The following AMMECR1L variants were observed in gnomAD, a reference collection of about 807,000 sequenced individuals.
AMMECR1L encodes the protein AMMECR1-like protein.
AMMECR1L carries 4 observed loss-of-function variants against 36.8 expected under a neutral mutation model. The ratio of observed to expected loss-of-function variants is 0.11; its 90% CI spans 0.05 to 0.25. The LOEUF (loss-of-function observed/expected upper bound fraction) is 0.25. AMMECR1L is among the 10% of genes least tolerant of loss of function. The pLI is 1.00. For synonymous variants in AMMECR1L, 147 were observed against 148.0 expected, an observed-to-expected ratio of 0.99 and a Z score of 0.05; for missense variants, 232 against 392.1, an observed-to-expected ratio of 0.59 and a Z score of 3.45.
Position 127,874,257 on chromosome 2 carries a change from G to A in AMMECR1L, c.-23C>T. The A allele has an allele frequency of 6.2e-7, 1 of 1,611,862 alleles. No homozygotes were observed. The highest frequency in any genetic ancestry group is 8.5e-7 in the Non-Finnish European group (1 of 1,179,582). On this transcript the variant is annotated 5_prime_UTR_variant, in exon 3 of 8. Transcript: ENST00000272647. This position sits in a 1 kb window ranked among gnomAD's most constrained non-coding sequence, Gnocchi z 5.2. ...CATCCTGATTCAGTGCTCAAGGTCT[G>A]GAATGCTGCAGAACCCTAACCAAAA...
chr2:127,876,910 G>A (rs1573556692), intron 2 of AMMECR1L, among the ~76,000 whole-genome samples: 1 of 151,754 alleles, frequency 6.6e-6, no homozygotes, highest in South Asian at 2.1e-4. Flanking sequence ...CTAGCTACCC[G>A]GGAGGCTGAG....
chr2:127,873,675 A>C lies in AMMECR1L; in HGVS notation c.407+153T>G. On this transcript the variant is annotated intron_variant, in intron 3 of 7. Transcript: ENST00000272647. This position sits in a 1 kb window ranked among gnomAD's most constrained non-coding sequence, Gnocchi z 5.2. The stretch of plus-strand genomic sequence containing the variant: ...CATTACTGAATCCACTGAATGTTTT[A>C]AATATTCTCTGGACATTTCTTATCA... 2.0e-6 allele frequency: 2 copies of C among 985,464 alleles called. No individual in the cohort carries two copies. The highest frequency in any genetic ancestry group is 2.4e-6 in the Non-Finnish European group (2 of 829,926). 61.0% of individuals were successfully genotyped at this position (985,464 alleles called of 1,614,324 possible).
rs1690568936 is a variant in AMMECR1L at position 127,863,841 on chromosome 2, T to C, written c.*1253A>G. 1 of 152,654 alleles carries C rather than the reference T, an allele frequency of 6.6e-6. No homozygotes were observed. Among genetic ancestry groups the C allele is most frequent in the African/African-American group, 2.4e-5 (1 of 41,474 alleles). The allele number at this position is 152,654 out of a possible 1,614,324, so 9.5% of individuals were successfully genotyped here. A position where few individuals can be genotyped will look rare whatever the true frequency, so the allele number is the denominator to read the frequency against. On this transcript the variant is annotated 3_prime_UTR_variant, in exon 8 of 8. Transcript: ENST00000272647. ...AGGCAAGGAGAGAGGAAAAAATTGC[T>C]GACAGCGATTTGGAAATCAGCAACA...
chr2:127,866,703 C>T (rs1274774320), intron 7 of AMMECR1L, among the ~76,000 whole-genome samples, 197 bp downstream of exon 7: 2 of 152,208 alleles, frequency 1.3e-5, no homozygotes, highest in African/African-American at 4.8e-5. Flanking sequence ...GTGCCCCCAG[C>T]TCAGCTATGG....
chr2:127,870,391 C>T (rs1295730944), intron 5 of AMMECR1L, among the ~76,000 whole-genome samples: 1 of 151,856 alleles, frequency 6.6e-6, no homozygotes, highest in African/African-American at 2.4e-5. Flanking sequence ...AGGAGAATCC[C>T]TTGAACTCGG....
At chr2:127,881,427 C>T (rs943429661) in intron 2 of AMMECR1L, among the ~76,000 whole-genome samples, 29 of 151,824 alleles carry the variant, frequency 1.9e-4, no homozygotes, top group African/African-American at 6.5e-4. Context: ...ACTAAGTCCA[C>T]TGAAAAAAAT....
rs11332960 is a variant in AMMECR1L, at chr2:127,876,349, C to CAA, written c.-38-2079_-38-2078dup. Among the ~76,000 whole-genome samples, 278 of 111,090 alleles carry CAA rather than the reference C, an allele frequency of 2.5e-3. 1 individual carries two copies. Among genetic ancestry groups the CAA allele is most frequent in the African/African-American group, 9.1e-3 (266 of 29,286 alleles). The allele number at this position is 111,090 out of a possible 152,430, so 72.9% of individuals were successfully genotyped here. ...TGGGCAACAGAGCAAGGCCCTGTCT[C>CAA]AAAAAAAAAAAAAAAAAAAGGTGGT... On this transcript the variant is annotated intron_variant, in intron 2 of 7. Coordinates refer to ENST00000272647, the MANE Select transcript of AMMECR1L (RefSeq NM_001199140.2).
In AMMECR1L at chr2:127,869,523, T is replaced by C; in HGVS notation, c.655A>G (p.Ile219Val). ...ACACCTTTTTCATTAATGAATTCAATTCGAATCCCATGGACCCCTACCTAT... is the reference window on the plus strand; with the variant it reads ...ACACCTTTTTCATTAATGAATTCAACTCGAATCCCATGGACCCCTACCTAT... ...DWEVGVHGIR[I>V]EFINEKGVKR... Residue 219 changes from isoleucine to valine, a missense_variant, in exon 6 of 8, where the codon ATT becomes GTT. Physicochemically the swap from Ile to Val is conservative, Grantham distance 29. This residue lies in a region of AMMECR1L where 83 missense variants were observed against 229.5 expected (regional missense o/e 0.36). Coordinates refer to ENST00000272647, the MANE Select transcript of AMMECR1L (RefSeq NM_001199140.2). This position sits in a 1 kb window ranked among gnomAD's most constrained non-coding sequence, Gnocchi z 4.7. 3 of 1,614,098 alleles carry C rather than the reference T, an allele frequency of 1.9e-6. No homozygotes were observed. The highest frequency in any genetic ancestry group is 2.5e-6 in the Non-Finnish European group (3 of 1,179,926).
At position 127,876,743 on chromosome 2, in the gene AMMECR1L, C is replaced by T. The variant is rs55805320; in HGVS notation, c.-38-2471G>A. Reference sequence around the variant, plus strand: ...GTTTAACATATGTAAAGAGGCCAGGCGCCCTGGCTCACGCCTATGAACCCA... The same window carrying T: ...GTTTAACATATGTAAAGAGGCCAGGTGCCCTGGCTCACGCCTATGAACCCA... On this transcript the variant is annotated intron_variant, in intron 2 of 7. Coordinates refer to ENST00000272647, the MANE Select transcript of AMMECR1L (RefSeq NM_001199140.2). Among the ~76,000 whole-genome samples the T allele has an allele frequency of 7.9e-3, 1,204 of 152,158 alleles. 14 individuals carry two copies. Among genetic ancestry groups the T allele is most frequent in the Middle Eastern group, 0.024 (7 of 294 alleles).
intron 2 of AMMECR1L, among the ~76,000 whole-genome samples, chr2:127,883,008 T>C (rs1175607825): frequency 6.6e-6 from 1 of 151,920 alleles, no homozygotes; most frequent in African/African-American, 2.4e-5. Context: ...GCTTCTCAAG[T>C]TGCTGGGGCT....
At chr2:127,883,099 TTTTC>T (rs1691587646) in intron 2 of AMMECR1L, among the ~76,000 whole-genome samples, 2 of 110,046 alleles carry the variant, frequency 1.8e-5, no homozygotes, top group Admixed American at 8.2e-5. Flanking sequence ...TGCAAATTTC[TTTTC>T]TTTTTTTTTT....
At chr2:127,882,736 G>A (rs1041980160) in intron 2 of AMMECR1L, among the ~76,000 whole-genome samples, 5 of 151,158 alleles carry the variant, frequency 3.3e-5, no homozygotes, top group South Asian at 2.1e-4. Context: ...TGGGACCACC[G>A]CCATGCACCA....
At chr2:127,872,492 C>G (rs1691026298) in intron 3 of AMMECR1L, among the ~76,000 whole-genome samples, 1 of 152,188 alleles carries the variant, frequency 6.6e-6, no homozygotes, top group African/African-American at 2.4e-5. Flanking sequence ...CCTCCACACT[C>G]TAATGTCCTT....
intron 2 of AMMECR1L, among the ~76,000 whole-genome samples, chr2:127,880,955 A>ATT (rs1441658845): frequency 6.6e-6 from 1 of 152,214 alleles, no homozygotes; most frequent in Non-Finnish European, 1.5e-5. Context: ...GGATAGTTTA[A>ATT]TAATTATTCA....
Position 127,865,116 on chromosome 2 carries a change from G to A in AMMECR1L, c.911C>T (p.Pro304Leu). 1 of 1,613,768 alleles carries A rather than the reference G, an allele frequency of 6.2e-7. No homozygotes were observed. Among genetic ancestry groups the A allele is most frequent in the South Asian group, 1.1e-5 (1 of 90,988 alleles). ...GTGTCAGGAGTAATGATTGTAGAGG[G>A]GCGGGGCATGAAGAGTGCCGTTCTG... The part of the protein sequence containing the change: ...CFQNGTLHAP[P>L]LYNHYS The change falls in exon 8 of 8, where the codon CCC (proline) becomes CTC (leucine). Residue 304 changes from proline to leucine, a missense_variant. Around this residue, in one of 3 missense-constraint regions of AMMECR1L, gnomAD observed 40 missense variants for 34.5 expected, o/e 1.16. Transcript: ENST00000272647. The surrounding 1 kb of genome is among the most constrained non-coding windows in gnomAD (Gnocchi z 5.4).
At chr2:127,867,122 C>A in intron 6 of AMMECR1L, 126 bp from the exon 7 acceptor site, 1 of 1,506,252 alleles carries the variant, frequency 6.6e-7, no homozygotes, top group East Asian at 2.4e-5. Context: ...CAGAGGAAGC[C>A]CTGGGCACTG....
At chr2:127,872,781 A>C (rs1258229407) in intron 3 of AMMECR1L, among the ~76,000 whole-genome samples, 1 of 152,118 alleles carries the variant, frequency 6.6e-6, no homozygotes, top group Non-Finnish European at 1.5e-5. Flanking sequence ...TGTTCTTCCA[A>C]ACTGCATCTC....
intron 5 of AMMECR1L, among the ~76,000 whole-genome samples, 155 bp downstream of exon 5, chr2:127,870,659 C>A (rs948235030): frequency 1.3e-5 from 2 of 152,188 alleles, no homozygotes; most frequent in African/African-American, 4.8e-5. Context: ...GGTATAGCAG[C>A]ACCTCTTCTG....
chr2:127,881,533 C>G (rs1482909552), intron 2 of AMMECR1L, among the ~76,000 whole-genome samples: 2 of 152,188 alleles, frequency 1.3e-5, no homozygotes, highest in East Asian at 3.9e-4. Flanking sequence ...TGACTTGCCA[C>G]GTACCAGCTA....
Sources: gnomAD v4.1 joint callset for allele counts (sites outside exome capture counted in the v4.1 genomes callset) on GRCh38, gnomAD v4.1.1 for gene constraint, gnomAD v4.1.1 regional missense constraint, Gnocchi (gnomAD v3.1) non-coding constraint, MANE v1.5 for transcripts, NCBI Gene and HGNC (gene_info 2026-07-23, HGNC 2026-07-21) for gene names.